The following TMEM245 variants were observed in gnomAD, a reference collection of about 807,000 sequenced individuals.
TMEM245 encodes the protein transmembrane protein 245, also known as protein CG-2.
In TMEM245, 69 loss-of-function variants were observed where a neutral mutation model predicts 101.2. The observed-to-expected ratio is 0.68, with a 90% CI of 0.56 to 0.83. TMEM245 has a LOEUF of 0.83. TMEM245 is among the 40% of genes least tolerant of loss of function. TMEM245 has a pLI of 0.00. For synonymous variants in TMEM245, 537 were observed against 449.8 expected, an observed-to-expected ratio of 1.19 and a Z score of -2.45; for missense variants, 1,075 against 1,092.8, an observed-to-expected ratio of 0.98 and a Z score of 0.23.
intron 17 of TMEM245, among the ~76,000 whole-genome samples, chr9:109,032,453 C>G (rs1039610101): frequency 7.8e-6 from 1 of 128,570 alleles, no homozygotes; most frequent in Non-Finnish European, 1.6e-5. Flanking sequence ...GGCATGATCT[C>G]GGATCACTGC....
intron 3 of TMEM245, among the ~76,000 whole-genome samples, chr9:109,097,087 G>C (rs1278759709): frequency 6.6e-6 from 1 of 152,186 alleles, no homozygotes; most frequent in Non-Finnish European, 1.5e-5. Context: ...GGGAGGTCTG[G>C]GAAGGGTTTC....
chr9:109,106,999 C>A (rs948534685), intron 2 of TMEM245, among the ~76,000 whole-genome samples: 1 of 151,450 alleles, frequency 6.6e-6, no homozygotes, highest in Non-Finnish European at 1.5e-5. Flanking sequence ...CTTGAAAATA[C>A]CACCGGGCGT....
intron 3 of TMEM245, among the ~76,000 whole-genome samples, chr9:109,105,985 G>T (rs1830405246): frequency 6.6e-6 from 1 of 152,178 alleles, no homozygotes; most frequent in African/African-American, 2.4e-5. Flanking sequence ...TATTGGCCAG[G>T]CTGGTCTCGA....
chr9:109,119,898 C>T lies in TMEM245; in HGVS notation c.16G>A (p.Gly6Ser). 4 of 1,271,204 alleles carry T rather than the reference C, an allele frequency of 3.1e-6. No individual in the cohort carries two copies. The highest frequency in any genetic ancestry group is 6.2e-5 in the South Asian group (2 of 32,204). The allele number at this position is 1,271,204 out of a possible 1,614,324, so 78.7% of individuals were successfully genotyped here. Residue 6 changes from glycine to serine, a missense_variant, in exon 1 of 18, where the codon GGC (glycine) becomes AGC (serine). Physicochemically the swap from Gly to Ser is moderately conservative, Grantham distance 56. Around this residue, in one of 2 missense-constraint regions of TMEM245, gnomAD observed 808 missense variants for 741.5 expected, o/e 1.09. Transcript: ENST00000374586. ...CGCAGGCTTGGCGCGTCCTTAGGGC[C>T]GCCGCCGTCGGCCATCGTTCCTCCG... MADGG[G>S]PKDAPSLRSS...
At position 109,089,194 on chromosome 9, in the gene TMEM245, G is replaced by C. The variant is rs10979686; in HGVS notation, c.1150+1728C>G. ...GAGGATCACTTGAGCCTGAGAGATC[G>C]AGGCTGTGGTGAATGGGTGACAAAG... On this transcript the variant is annotated intron_variant, in intron 5 of 17. Coordinates refer to ENST00000374586, the MANE Select transcript of TMEM245 (RefSeq NM_032012.4). Among the ~76,000 whole-genome samples, 977 of 151,516 alleles carry C rather than the reference G, an allele frequency of 6.4e-3. 19 individuals carry two copies. In the East Asian group the frequency reaches 0.098, roughly 15 times the overall value.
chr9:109,060,500 CA>C (rs748156599), intron 10 of TMEM245, 48 bp from the exon 11 acceptor site: 1 of 1,354,592 alleles, frequency 7.4e-7, no homozygotes, highest in Non-Finnish European at 1.0e-6. Flanking sequence ...CAGGCAACAA[CA>C]GAGTAAAATT....
chr9:109,093,407 T>C (rs777167005), intron 4 of TMEM245, 68 bp downstream of exon 4: 1 of 1,359,062 alleles, frequency 7.4e-7, no homozygotes. Context: ...GCTGGTGTCC[T>C]GAATTTTACT....
rs373370495 is a variant in TMEM245 at position 109,100,464 on chromosome 9, T to C, written c.799+6044A>G. On this transcript the variant is annotated intron_variant, in intron 3 of 17. Coordinates refer to ENST00000374586, the MANE Select transcript of TMEM245 (RefSeq NM_032012.4). ...TCAACCCTCCCAGTAGCTGGGACTA[T>C]AGATGCACACTACCACACCCAGCTA... Among the ~76,000 whole-genome samples the C allele has an allele frequency of 1.1e-3, 165 of 152,244 alleles. 4 individuals are homozygous for C. The South Asian group carries it at 0.033, about 30-fold the overall frequency.
chr9:109,025,695 T>C (rs765246111), intron 17 of TMEM245, among the ~76,000 whole-genome samples: 6 of 152,218 alleles, frequency 3.9e-5, no homozygotes, highest in Non-Finnish European at 8.8e-5. Flanking sequence ...AGTCTGATTA[T>C]CCTGTCCAAA....
At chr9:109,045,170 G>A (rs1009478942) in intron 14 of TMEM245, among the ~76,000 whole-genome samples, 2 of 152,122 alleles carry the variant, frequency 1.3e-5, no homozygotes, top group Non-Finnish European at 2.9e-5. Flanking sequence ...TAGAACTTAT[G>A]CCTTCTAAGT....
At chr9:109,097,453 T>C (rs183453918) in intron 3 of TMEM245, among the ~76,000 whole-genome samples, 163 of 152,286 alleles carry the variant, frequency 1.1e-3, no homozygotes, top group South Asian at 2.5e-3. Context: ...ATTCAGTGGC[T>C]GGAAGCACAG....
chr9:109,112,055 G>A (rs541291854), intron 1 of TMEM245, among the ~76,000 whole-genome samples: 1 of 152,282 alleles, frequency 6.6e-6, no homozygotes, highest in Admixed American at 6.5e-5. Context: ...ATTAGTTCAA[G>A]AGGTAAGGCC....
rs1829025746 is a variant in TMEM245 at position 109,061,900 on chromosome 9, A to C, written c.1624-1448T>G. Among the ~76,000 whole-genome samples, 3 of 151,740 alleles carry C rather than the reference A, an allele frequency of 2.0e-5. No homozygotes were observed. In the South Asian group the frequency reaches 6.3e-4, roughly 32 times the overall value. On this transcript the variant is annotated intron_variant, in intron 10 of 17. Transcript: ENST00000374586. The stretch of plus-strand genomic sequence containing the variant: ...CCTAATTTTTAGTGTCATGAGTAAC[A>C]CTGCAATGAACATCCTTTTACATAG...
intron 17 of TMEM245, among the ~76,000 whole-genome samples, chr9:109,027,231 AG>A (rs1309204653): frequency 6.6e-6 from 1 of 152,130 alleles, no homozygotes; most frequent in Non-Finnish European, 1.5e-5. Flanking sequence ...ACTGCTTTAC[AG>A]TTTCCTTAAA....
chr9:109,090,372 A>G (rs941897411), intron 5 of TMEM245, among the ~76,000 whole-genome samples: 2 of 152,168 alleles, frequency 1.3e-5, no homozygotes, highest in East Asian at 1.9e-4. Context: ...CTATGGAGCT[A>G]TTAATCTCAA....
intron 1 of TMEM245, among the ~76,000 whole-genome samples, chr9:109,115,555 G>C (rs530062791): frequency 1.8e-5 from 2 of 109,136 alleles, no homozygotes; most frequent in East Asian, 5.7e-4. Context: ...TTTTAAGACA[G>C]AGTCTCACTC....
At chr9:109,079,057 A>G (rs1285680436) in intron 8 of TMEM245, among the ~76,000 whole-genome samples, 1 of 152,222 alleles carries the variant, frequency 6.6e-6, no homozygotes. Context: ...TGCAGGTTTT[A>G]CTGCCCATGC....
intron 8 of TMEM245, among the ~76,000 whole-genome samples, chr9:109,077,675 A>G (rs1461746632): frequency 6.6e-6 from 1 of 152,180 alleles, no homozygotes; most frequent in Non-Finnish European, 1.5e-5. Context: ...AAAGTCCTTA[A>G]TTTGCCTCTA....
At chr9:109,076,399 G>A (rs1417865248) in intron 8 of TMEM245, among the ~76,000 whole-genome samples, 4 of 135,692 alleles carry the variant, frequency 2.9e-5, no homozygotes, top group African/African-American at 8.0e-5. Flanking sequence ...GGGGAGGGGG[G>A]AGGGATAGCA....
Sources: gnomAD v4.1 joint callset for allele counts (sites outside exome capture counted in the v4.1 genomes callset) on GRCh38, gnomAD v4.1.1 for gene constraint, gnomAD v4.1.1 regional missense constraint, MANE v1.5 for transcripts, NCBI Gene and HGNC (gene_info 2026-07-23, HGNC 2026-07-21) for gene names.